Variants in VTI1A observed in about 807,000 individuals in gnomAD.
VTI1A encodes the protein vesicle transport through interaction with t-SNAREs 1A.
In VTI1A, 22 loss-of-function variants were observed where a neutral mutation model predicts 34.9. The ratio of observed to expected loss-of-function variants is 0.63; its 90% confidence interval spans 0.45 to 0.90. VTI1A has a LOEUF of 0.90. VTI1A is among the 40% of genes least tolerant of loss of function. The pLI is 0.00. For missense variants in VTI1A, 268 were observed against 275.6 expected (o/e 0.97, Z 0.20); for synonymous variants, 87 against 97.3 (o/e 0.89, Z 0.62).
intron 5 of VTI1A, among the ~76,000 whole-genome samples, chr10:112,593,604 C>A (rs1054284910): frequency 6.6e-6 from 1 of 152,108 alleles, no homozygotes; most frequent in Non-Finnish European, 1.5e-5. Flanking sequence ...AGAAAAAAAT[C>A]AAAAATTACT....
In VTI1A at chr10:112,725,792, T is replaced by C. The variant is rs1328725142; in HGVS notation, c.560+56794T>C. Among the ~76,000 whole-genome samples, 3 of 152,226 alleles carry C rather than the reference T, an allele frequency of 2.0e-5. No homozygotes were observed. The East Asian group carries it at 5.8e-4, about 29-fold the overall frequency. ...ACCTGCAAAAGTGATCAATGATGCT[T>C]GCTTGTTTGTTTTGAGCATCAATAT... On this transcript the variant is annotated intron_variant, in intron 7 of 7. Coordinates refer to ENST00000393077, the MANE Select transcript of VTI1A (RefSeq NM_145206.4).
At chr10:112,845,242 C>T in the VTI1A span, among the ~76,000 whole-genome samples, 395 of 152,330 alleles carry the variant, frequency 2.6e-3, 1 homozygote, top group African/African-American at 9.0e-3. Flanking sequence ...CCGCACCCAA[C>T]GGCCTTTCTC....
chr10:112,810,157 C>T (rs1356772251), intron 7 of VTI1A, among the ~76,000 whole-genome samples: 1 of 151,640 alleles, frequency 6.6e-6, no homozygotes, highest in Non-Finnish European at 1.5e-5. Context: ...AATCCCAGCA[C>T]TTTGGGAGGC....
At chr10:112,686,031 T>C (rs1212274236) in intron 7 of VTI1A, among the ~76,000 whole-genome samples, 6 of 152,200 alleles carry the variant, frequency 3.9e-5, no homozygotes, top group Admixed American at 3.9e-4. Flanking sequence ...TACTGATTTA[T>C]TGTTTTCCTG....
At chr10:112,793,203 G>A (rs10787464) in intron 7 of VTI1A, among the ~76,000 whole-genome samples, 77,784 of 152,024 alleles carry the variant, frequency 0.51, 20,432 homozygotes, top group South Asian at 0.66. Flanking sequence ...AGATTAGCTC[G>A]ACATGAGGCA....
At chr10:112,616,940 A>AT (rs1845535199) in intron 5 of VTI1A, among the ~76,000 whole-genome samples, 1 of 152,220 alleles carries the variant, frequency 6.6e-6, no homozygotes, top group African/African-American at 2.4e-5. Context: ...CCAAAAAGAC[A>AT]TCAAATTAGA....
the VTI1A span, among the ~76,000 whole-genome samples, chr10:112,842,058 T>C: frequency 8.1e-6 from 1 of 123,186 alleles, no homozygotes; most frequent in Admixed American, 7.8e-5. Context: ...TTCCTTTTTT[T>C]TTTTTTTTTT....
chr10:112,546,103 CGTGTATACACGTGT>C (rs1851106690), intron 5 of VTI1A, among the ~76,000 whole-genome samples: 1 of 145,082 alleles, frequency 6.9e-6, no homozygotes. Flanking sequence ...TGTGTATATA[CGTGTATACACGTGT>C]GTGTGTATTT....
At chr10:112,530,065 C>T (rs1009466220) in intron 4 of VTI1A, among the ~76,000 whole-genome samples, 4 of 152,026 alleles carry the variant, frequency 2.6e-5, no homozygotes, top group Admixed American at 1.3e-4. Context: ...AAGAATTTTT[C>T]AAAAGCATTT....
At chr10:112,668,554 A>T (rs1233911901) in intron 6 of VTI1A, among the ~76,000 whole-genome samples, 2 of 152,134 alleles carry the variant, frequency 1.3e-5, no homozygotes, top group South Asian at 2.1e-4. Context: ...GAGTATGTTC[A>T]TCTTTTAGAG....
Position 112,647,928 on chromosome 10 carries a change from C to T in VTI1A, c.428-20290C>T, listed in dbSNP as rs895808514. On this transcript the variant is annotated intron_variant, in intron 5 of 7. Coordinates refer to ENST00000393077, the MANE Select transcript of VTI1A (RefSeq NM_145206.4). ...GGGACTACAAGCACATGCCACCGCA[C>T]CCAGCTAATTTTTCTATTTTTGGTA... Among the ~76,000 whole-genome samples the T allele has an allele frequency of 9.9e-5, 15 of 152,132 alleles. No homozygotes were observed. In the South Asian group the frequency reaches 1.0e-3, roughly 11 times the overall value.
intron 7 of VTI1A, among the ~76,000 whole-genome samples, chr10:112,727,096 A>C (rs531822816): frequency 6.6e-6 from 1 of 152,222 alleles, no homozygotes; most frequent in Admixed American, 6.5e-5. Context: ...ATGAGTTCAC[A>C]AGGTGAGTTG....
At chr10:112,750,300 C>T (rs958280950) in intron 7 of VTI1A, among the ~76,000 whole-genome samples, 12 of 152,146 alleles carry the variant, frequency 7.9e-5, no homozygotes, top group Admixed American at 2.0e-4. Context: ...ATGATCTCCC[C>T]ACTTCAACCT....
chr10:112,660,820 A>G (rs1159963187), intron 5 of VTI1A, among the ~76,000 whole-genome samples: 1 of 152,174 alleles, frequency 6.6e-6, no homozygotes, highest in Non-Finnish European at 1.5e-5. Context: ...GCTACTTTAC[A>G]TAAAACTCAA....
intron 7 of VTI1A, among the ~76,000 whole-genome samples, chr10:112,788,145 A>G (rs1289256821): frequency 6.6e-6 from 1 of 152,016 alleles, no homozygotes; most frequent in Non-Finnish European, 1.5e-5. Context: ...TGGTCTATGT[A>G]TGTTCTATAA....
At chr10:112,597,248 A>T (rs1018342412) in intron 5 of VTI1A, among the ~76,000 whole-genome samples, 1 of 150,674 alleles carries the variant, frequency 6.6e-6, no homozygotes, top group Non-Finnish European at 1.5e-5. Flanking sequence ...ACAGAATTTC[A>T]CTCTTTTTGC....
intron 5 of VTI1A, among the ~76,000 whole-genome samples, chr10:112,621,035 A>G (rs12784131): frequency 7.9e-4 from 121 of 152,208 alleles, no homozygotes; most frequent in Non-Finnish European, 1.6e-3. Context: ...AATTCCATCC[A>G]TATGAAATCT....
intron 7 of VTI1A, among the ~76,000 whole-genome samples, chr10:112,722,576 T>C (rs9732761): frequency 0.038 from 5,861 of 152,260 alleles, 376 homozygotes; most frequent in African/African-American, 0.13. Context: ...TTGTTCTTTG[T>C]GACTATCCAA....
intron 5 of VTI1A, among the ~76,000 whole-genome samples, chr10:112,589,164 G>T (rs1222992543): frequency 1.3e-5 from 2 of 151,762 alleles, no homozygotes; most frequent in African/African-American, 4.9e-5. Context: ...ATACATGGGG[G>T]GTGATATGAT....
Sources: gnomAD v4.1 joint callset for allele counts (sites outside exome capture counted in the v4.1 genomes callset) on GRCh38, gnomAD v4.1.1 for gene constraint, MANE v1.5 for transcripts, NCBI Gene and HGNC (gene_info 2026-07-23, HGNC 2026-07-21) for gene names.